Variants in PXDNL observed in about 807,000 individuals in gnomAD.
PXDNL encodes probable oxidoreductase PXDNL.
A neutral mutation model predicts 150.8 loss-of-function variants in PXDNL; 145 were observed. The observed-to-expected ratio is 0.96, with a 90% confidence interval of 0.84 to 1.10. The LOEUF (loss-of-function observed/expected upper bound fraction) is 1.10, where lower values mean the gene tolerates loss of function less well. Among genes scored for constraint, PXDNL ranks in the 50% least tolerant of loss-of-function variants. PXDNL has a pLI of 0.00. For synonymous variants in PXDNL, 757 were observed against 725.7 expected, an observed-to-expected ratio of 1.04 and a Z score of -0.69; for missense variants, 2,087 against 1,873.9, an observed-to-expected ratio of 1.11 and a Z score of -2.10.
intron 21 of PXDNL, among the ~76,000 whole-genome samples, chr8:51,329,052 A>G (rs1486694098): frequency 1.3e-5 from 2 of 152,206 alleles, no homozygotes; most frequent in Non-Finnish European, 2.9e-5. Flanking sequence ...AGTGAAATCA[A>G]TTAGCTGCAC....
intron 4 of PXDNL, among the ~76,000 whole-genome samples, chr8:51,522,439 C>G (rs1459363697): frequency 6.6e-6 from 1 of 152,140 alleles, no homozygotes; most frequent in Non-Finnish European, 1.5e-5. Flanking sequence ...CATTAAAGGA[C>G]TTATTGAAAA....
At chr8:51,745,986 T>G (rs955502537) in intron 1 of PXDNL, among the ~76,000 whole-genome samples, 1 of 152,174 alleles carries the variant, frequency 6.6e-6, no homozygotes, top group Non-Finnish European at 1.5e-5. Context: ...CTTGAATTCC[T>G]GACCTCAGGT....
At chr8:51,667,423 T>G (rs1393444885) in intron 1 of PXDNL, among the ~76,000 whole-genome samples, 1 of 152,242 alleles carries the variant, frequency 6.6e-6, no homozygotes, top group Non-Finnish European at 1.5e-5. Flanking sequence ...TGATGTAAAC[T>G]ACTAACTTTA....
intron 1 of PXDNL, among the ~76,000 whole-genome samples, chr8:51,697,259 G>T (rs1009570357): frequency 6.7e-6 from 1 of 150,172 alleles, no homozygotes; most frequent in Admixed American, 6.6e-5. Context: ...AGCCAAGATC[G>T]TGCCACTGCA....
intron 20 of PXDNL, among the ~76,000 whole-genome samples, chr8:51,344,970 A>T (rs114805817): frequency 0.03 from 4,508 of 152,248 alleles, 214 homozygotes; most frequent in African/African-American, 0.1. Flanking sequence ...CAATTTTAAA[A>T]CTTAGAGTAC....
intron 1 of PXDNL, among the ~76,000 whole-genome samples, chr8:51,793,938 T>C (rs2037537862): frequency 6.6e-6 from 1 of 151,872 alleles, no homozygotes; most frequent in African/African-American, 2.4e-5. Context: ...TTACAGGAGC[T>C]GTTGACCAGA....
At chr8:51,375,299 C>T (rs1164193569) in intron 17 of PXDNL, among the ~76,000 whole-genome samples, 3 of 152,124 alleles carry the variant, frequency 2.0e-5, no homozygotes, top group African/African-American at 7.2e-5. Flanking sequence ...AACAAAAAAG[C>T]ACAATGCAAA....
intron 3 of PXDNL, among the ~76,000 whole-genome samples, chr8:51,586,603 C>T (rs1219886064): frequency 1.3e-5 from 2 of 152,154 alleles, no homozygotes; most frequent in Non-Finnish European, 2.9e-5. Context: ...TCACATTCTT[C>T]AATGGCACTT....
intron 3 of PXDNL, among the ~76,000 whole-genome samples, chr8:51,582,452 A>G (rs1025980067): frequency 6.6e-6 from 1 of 152,198 alleles, no homozygotes; most frequent in African/African-American, 2.4e-5. Flanking sequence ...CAGCAACAGC[A>G]ACAACTTTGA....
chr8:51,589,271 G>T (rs1364469531), intron 3 of PXDNL, among the ~76,000 whole-genome samples: 1 of 152,124 alleles, frequency 6.6e-6, no homozygotes, highest in African/African-American at 2.4e-5. Context: ...ACAGATAATT[G>T]GTATTGAGAG....
At chr8:51,595,448 T>C (rs1468215608) in intron 2 of PXDNL, among the ~76,000 whole-genome samples, 5 of 152,170 alleles carry the variant, frequency 3.3e-5, no homozygotes, top group Admixed American at 6.5e-5. Flanking sequence ...TCTACTAGGA[T>C]AATGCCAAGA....
intron 3 of PXDNL, among the ~76,000 whole-genome samples, chr8:51,574,052 C>G (rs896366881): frequency 6.6e-6 from 1 of 151,914 alleles, no homozygotes; most frequent in African/African-American, 2.4e-5. Flanking sequence ...GACTTTCTTA[C>G]GGCAGCCCTA....
chr8:51,422,879 T>C (rs1183090148), intron 14 of PXDNL, among the ~76,000 whole-genome samples: 1 of 152,216 alleles, frequency 6.6e-6, no homozygotes, highest in East Asian at 1.9e-4. Flanking sequence ...CACTTGTAAA[T>C]AACCTCAGCT....
intron 21 of PXDNL, among the ~76,000 whole-genome samples, chr8:51,328,056 C>T (rs76896969): frequency 0.032 from 4,803 of 152,278 alleles, 244 homozygotes; most frequent in African/African-American, 0.11. Context: ...GCAGATTGCC[C>T]TCCATAATGT....
chr8:51,560,220 T>C (rs1186633389), intron 3 of PXDNL, among the ~76,000 whole-genome samples: 1 of 152,026 alleles, frequency 6.6e-6, no homozygotes, highest in Admixed American at 6.6e-5. Context: ...TTTAATATCG[T>C]TAAAATGTCA....
intron 19 of PXDNL, among the ~76,000 whole-genome samples, chr8:51,356,724 C>A (rs1806521188): frequency 6.6e-6 from 1 of 152,134 alleles, no homozygotes; most frequent in South Asian, 2.1e-4. Context: ...CTTTTGATAA[C>A]TACAAATTTA....
chr8:51,413,388 T>A (rs1808707812), intron 14 of PXDNL, 130 bp from the exon 15 acceptor site: 1 of 611,220 alleles, frequency 1.6e-6, no homozygotes, highest in Non-Finnish European at 2.9e-6. Flanking sequence ...ATGAAAATGT[T>A]ATACAATATC....
At chr8:51,461,654 A>T (rs1810086117) in intron 8 of PXDNL, among the ~76,000 whole-genome samples, 2 of 152,338 alleles carry the variant, frequency 1.3e-5, no homozygotes, top group South Asian at 2.1e-4. Flanking sequence ...GTGGGCCCCT[A>T]GGGAGCTGCA....
At chr8:51,775,776 T>C (rs1186701516) in intron 1 of PXDNL, among the ~76,000 whole-genome samples, 1 of 152,134 alleles carries the variant, frequency 6.6e-6, no homozygotes, top group African/African-American at 2.4e-5. Context: ...ACAAATTGTT[T>C]AAACAATTTG....
Sources: allele counts gnomAD v4.1 joint callset (sites outside exome capture counted in the v4.1 genomes callset), GRCh38; gene constraint gnomAD v4.1.1; transcripts MANE v1.5; gene names NCBI Gene and HGNC (gene_info 2026-07-23, HGNC 2026-07-21).